Variants in LARP4B observed in about 807,000 individuals in gnomAD.
LARP4B encodes La ribonucleoprotein 4B.
LARP4B carries 12 observed loss-of-function variants against 89.8 expected under a neutral mutation model. The ratio of observed to expected loss-of-function variants is 0.13; its 90% CI spans 0.09 to 0.22. The LOEUF is 0.22. Among genes scored for constraint, LARP4B ranks in the 10% least tolerant of loss-of-function variants. The pLI is 1.00. For missense variants in LARP4B, 757 were observed against 947.7 expected (o/e 0.80, Z 2.64); for synonymous variants, 367 against 363.3 (o/e 1.01, Z -0.12).
At chr10:843,172 C>T (rs1833607140) in intron 6 of LARP4B, 104 bp from the exon 7 acceptor site, 1 of 1,013,896 alleles carries the variant, frequency 9.9e-7, no homozygotes, top group Non-Finnish European at 1.5e-6. Context: ...CATGGTATTG[C>T]TTTGGAGTTA....
chr10:835,243 G>A (rs140092305), intron 8 of LARP4B, among the ~76,000 whole-genome samples: 116 of 152,232 alleles, frequency 7.6e-4, no homozygotes, highest in African/African-American at 2.6e-3. Context: ...AATTTCTTAC[G>A]CTAGGCAGAG....
At chr10:895,672 CAA>C (rs1312520352) in intron 1 of LARP4B, among the ~76,000 whole-genome samples, 10 of 64,094 alleles carry the variant, frequency 1.6e-4, no homozygotes, top group Admixed American at 1.8e-4. Context: ...GAGTCCATCT[CAA>C]AAAAAAAAAA....
upstream of LARP4B, among the ~76,000 whole-genome samples, chr10:934,099 T>C (rs1830718785): frequency 1.3e-5 from 2 of 152,068 alleles, no homozygotes; most frequent in Non-Finnish European, 2.9e-5. Context: ...CCCTAAGTGC[T>C]GGGATTACAG....
chr10:876,856 C>T (rs940708852), intron 3 of LARP4B, among the ~76,000 whole-genome samples: 1 of 152,174 alleles, frequency 6.6e-6, no homozygotes, highest in Non-Finnish European at 1.5e-5. Context: ...CCAGGCTGTC[C>T]ATGACATCTC....
chr10:928,146 C>G (rs899994192), intron 1 of LARP4B, among the ~76,000 whole-genome samples: 1 of 151,482 alleles, frequency 6.6e-6, no homozygotes, highest in Non-Finnish European at 1.5e-5. Context: ...CACCTGAACC[C>G]GAGAGGCGGA....
At chr10:890,690 A>G (rs1835991019) in intron 1 of LARP4B, among the ~76,000 whole-genome samples, 3 of 152,082 alleles carry the variant, frequency 2.0e-5, no homozygotes, top group South Asian at 2.1e-4. Context: ...TGATTTTGCA[A>G]TTTTGTAGTT....
chr10:947,236 C>T, the LARP4B span, among the ~76,000 whole-genome samples: 2 of 152,174 alleles, frequency 1.3e-5, no homozygotes, highest in Non-Finnish European at 2.9e-5. Flanking sequence ...AGCAAGGCAG[C>T]GTTTCATCAT....
intron 3 of LARP4B, among the ~76,000 whole-genome samples, chr10:870,255 C>T (rs1835134245): frequency 6.6e-6 from 1 of 152,176 alleles, no homozygotes. Context: ...CCTAACCCTC[C>T]CATCGGGTAA....
chr10:865,209 T>C (rs1834836597), intron 3 of LARP4B, among the ~76,000 whole-genome samples: 1 of 152,194 alleles, frequency 6.6e-6, no homozygotes, highest in Admixed American at 6.5e-5. Context: ...TAGTCCAGTG[T>C]TCTGGACAAC....
At chr10:834,326 A>T (rs1305000611) in intron 8 of LARP4B, among the ~76,000 whole-genome samples, 1 of 152,182 alleles carries the variant, frequency 6.6e-6, no homozygotes, top group Non-Finnish European at 1.5e-5. Context: ...GTCAAACAAT[A>T]ATACTTTAAG....
At chr10:859,350 G>C (rs1055755060) in intron 5 of LARP4B, among the ~76,000 whole-genome samples, 1 of 151,828 alleles carries the variant, frequency 6.6e-6, no homozygotes, top group African/African-American at 2.4e-5. Context: ...GTACACTGAT[G>C]GTGGGAATGT....
At chr10:841,593 C>T (rs939863496) in intron 7 of LARP4B, among the ~76,000 whole-genome samples, 7 of 152,080 alleles carry the variant, frequency 4.6e-5, no homozygotes, top group East Asian at 3.9e-4. Context: ...AAGGTCTGTC[C>T]GAAAAGGAAT....
At chr10:966,412 C>A in the LARP4B span, among the ~76,000 whole-genome samples, 5 of 152,176 alleles carry the variant, frequency 3.3e-5, no homozygotes, top group Non-Finnish European at 4.4e-5. Flanking sequence ...GCCATGATCG[C>A]ACCACTGCAC....
At chr10:945,644 C>T in the LARP4B span, among the ~76,000 whole-genome samples, 5 of 151,034 alleles carry the variant, frequency 3.3e-5, no homozygotes, top group Non-Finnish European at 2.9e-5. Context: ...GCCAGGATCA[C>T]GCCACTGCAC....
Position 827,099 on chromosome 10 carries a change from C to T in LARP4B, c.1126-1229G>A, listed in dbSNP as rs567749247. On this transcript the variant is annotated intron_variant, in intron 11 of 17. Coordinates refer to ENST00000316157, the MANE Select transcript of LARP4B (RefSeq NM_015155.3). ...GACCATCCTGGCTAACATGGTGAAA[C>T]CCCGTCTCTACTAAAAATACAAAAA... Among the ~76,000 whole-genome samples, 3 of 152,158 alleles carry T rather than the reference C, an allele frequency of 2.0e-5. No individual in the cohort carries two copies. In the South Asian group the frequency reaches 6.2e-4, roughly 32 times the overall value.
At chr10:921,685 G>A (rs1376916636) in intron 1 of LARP4B, among the ~76,000 whole-genome samples, 1 of 152,154 alleles carries the variant, frequency 6.6e-6, no homozygotes, top group Non-Finnish European at 1.5e-5. Context: ...TCCAGGTCAT[G>A]GAGATTTTTA....
chr10:979,835 G>C, the LARP4B span, among the ~76,000 whole-genome samples: 29 of 152,292 alleles, frequency 1.9e-4, no homozygotes, highest in Admixed American at 1.8e-3. Context: ...GCCAGGTGTG[G>C]TGGTGGGCAC....
chr10:863,886 A>G lies in LARP4B; in HGVS notation c.290-3T>C, dbSNP rs1834756932. The stretch of plus-strand genomic sequence containing the variant: ...ACCATCACCATTGGCATCCGATCCT[A>G]CAATTAGGAGTTTACCCCAAAAAGG... On this transcript the variant is annotated splice_polypyrimidine_tract_variant and splice_region_variant and intron_variant, in intron 4 of 17. Coordinates refer to ENST00000316157, the MANE Select transcript of LARP4B (RefSeq NM_015155.3). 38 of 1,608,638 alleles carry G rather than the reference A, an allele frequency of 2.4e-5. No homozygotes were observed. The highest frequency in any genetic ancestry group is 3.0e-5 in the Non-Finnish European group (35 of 1,178,650).
the LARP4B span, among the ~76,000 whole-genome samples, chr10:956,795 G>C: frequency 6.6e-6 from 1 of 152,192 alleles, no homozygotes; most frequent in Non-Finnish European, 1.5e-5. The surrounding 1 kb of genome is among the most constrained non-coding windows in gnomAD (Gnocchi z 4.3). Flanking sequence ...TAGCCGAGAG[G>C]AAAGTCCCTC....
Sources: gnomAD v4.1 joint callset for allele counts (sites outside exome capture counted in the v4.1 genomes callset) on GRCh38, gnomAD v4.1.1 for gene constraint, Gnocchi (gnomAD v3.1) non-coding constraint, MANE v1.5 for transcripts, NCBI Gene and HGNC (gene_info 2026-07-23, HGNC 2026-07-21) for gene names.